Variants in SLC4A4 observed in about 807,000 individuals in gnomAD.
The protein encoded by SLC4A4 is electrogenic sodium bicarbonate cotransporter 1.
Under a neutral mutation model 111.5 loss-of-function variants are expected in SLC4A4, and 27 were observed. The observed-to-expected ratio is 0.24, with a 90% confidence interval of 0.18 to 0.33. SLC4A4 has a LOEUF of 0.33. Among genes scored for constraint, SLC4A4 ranks in the 10% least tolerant of loss-of-function variants. The pLI, the probability that SLC4A4 is intolerant of heterozygous loss-of-function variation, is 1.00. For synonymous variants in SLC4A4, 443 were observed against 463.4 expected (o/e 0.96, Z 0.57); for missense variants, 909 against 1,315.5 (o/e 0.69, Z 4.78).
At chr4:71,428,661 CAAG>C (rs771866445) in intron 7 of SLC4A4, among the ~76,000 whole-genome samples, 4 of 151,642 alleles carry the variant, frequency 2.6e-5, no homozygotes, top group Non-Finnish European at 5.9e-5. Flanking sequence ...GAAAATAAAC[CAAG>C]AAGAAGAAAT....
intron 15 of SLC4A4, among the ~76,000 whole-genome samples, chr4:71,488,139 A>G (rs1729587468): frequency 6.7e-6 from 1 of 148,780 alleles, no homozygotes. Flanking sequence ...ATAAACTATA[A>G]TTTAATAATA....
At position 71,571,087 on chromosome 4, in the gene SLC4A4, G is replaced by A. The variant is rs9997398; in HGVS notation, c.*3336G>A. ...ATACAGAGTAAATCTTTTATCAACT[G>A]TATACTGGTGTTTAATAGAGAATGA... On this transcript the variant is annotated 3_prime_UTR_variant, in exon 26 of 26. Transcript: ENST00000264485. 0.94 allele frequency: 143,058 copies of A among 152,298 alleles called. 67,614 individuals are homozygous for A. Among genetic ancestry groups the A allele is most frequent in the Non-Finnish European group, 0.99 (67,306 of 67,858 alleles). The allele number at this position is 152,298 out of a possible 1,614,324, so 9.4% of individuals were successfully genotyped here.
rs28707270 is a variant in SLC4A4 at position 71,111,262 on chromosome 4, G to T, written c.-2+18470G>T. ...CGTAGACAACTTGTCACCCTATTTG[G>T]CCTACAAATATTTCCTGCTTTTCTT... On this transcript the variant is annotated intron_variant, in intron 2 of 26. Coordinates refer to the SLC4A4 transcript ENST00000649996. Among the ~76,000 whole-genome samples the T allele has an allele frequency of 4.1e-4, 63 of 152,218 alleles. 1 individual carries two copies. Among genetic ancestry groups the T allele is most frequent in the African/African-American group, 1.4e-3 (58 of 41,532 alleles).
rs573234131 is a variant in SLC4A4 at position 71,141,732 on chromosome 4, A to G, written c.-2+48940A>G. On this transcript the variant is annotated intron_variant, in intron 2 of 26. Coordinates refer to the SLC4A4 transcript ENST00000649996. ...GCCTTGCTTATTAGTATTCCCCAAC[A>G]CTTAGAACAGTGCCTGGAACATATT... Among the ~76,000 whole-genome samples, 280 of 152,338 alleles carry G rather than the reference A, an allele frequency of 1.8e-3. 2 individuals are homozygous for G. The highest frequency in any genetic ancestry group is 6.5e-3 in the African/African-American group (271 of 41,574).
rs371201820 is a variant in SLC4A4 at position 71,279,957 on chromosome 4, G to A, written c.253+24558G>A. ...ATTACAGGCACCTGCCATCATGCCC[G>A]GCTAATTTTTGTATTTTTGTAGGGA... is the stretch of plus-strand genomic sequence containing the variant. On this transcript the variant is annotated intron_variant, in intron 3 of 25. Transcript: ENST00000264485. 9.5e-4 allele frequency among the ~76,000 whole-genome samples: 144 copies of A among 152,162 alleles called. 1 individual carries two copies. The highest frequency in any genetic ancestry group is 3.4e-3 in the Middle Eastern group (1 of 294).
chr4:71,339,310 G>C (rs1443796500), intron 3 of SLC4A4, 60 bp from the exon 4 acceptor site: 1 of 1,614,152 alleles, frequency 6.2e-7, no homozygotes, highest in Admixed American at 1.7e-5. Flanking sequence ...AGAGCCCGGA[G>C]CTCCACTTTC....
chr4:71,134,489 G>A (rs983892745), intron 2 of SLC4A4, among the ~76,000 whole-genome samples: 4 of 152,216 alleles, frequency 2.6e-5, no homozygotes, highest in South Asian at 2.1e-4. Flanking sequence ...AATGTACATT[G>A]TTTCTGTATC....
chr4:71,502,215 C>G (rs1304588346), intron 16 of SLC4A4, among the ~76,000 whole-genome samples: 3 of 152,240 alleles, frequency 2.0e-5, no homozygotes, highest in African/African-American at 7.2e-5. Context: ...CCAGCCTCGG[C>G]CTCCCAAAGT....
Position 71,418,909 on chromosome 4 carries a change from C to T in SLC4A4, c.807+21256C>T, listed in dbSNP as rs1050209407. Among the ~76,000 whole-genome samples the T allele has an allele frequency of 2.6e-5, 4 of 152,198 alleles. No homozygotes were observed. The East Asian group carries it at 5.8e-4, about 22-fold the overall frequency. On this transcript the variant is annotated intron_variant, in intron 7 of 25. Transcript: ENST00000264485. ...TTCTCTTTGTTAGTTTTCCTTCTAA[C>T]AGACAGGACACTCAGCTGCAGGTCT...
intron 2 of SLC4A4, among the ~76,000 whole-genome samples, chr4:71,169,704 T>C (rs756762525): frequency 1.3e-5 from 2 of 152,312 alleles, no homozygotes; most frequent in East Asian, 3.9e-4. Flanking sequence ...AACCGAAATA[T>C]ATTGTATCAC....
chr4:71,087,052 G>A (rs547250474), intron 1 of SLC4A4, among the ~76,000 whole-genome samples: 2 of 152,038 alleles, frequency 1.3e-5, no homozygotes, highest in East Asian at 1.9e-4. Context: ...TTTTTGGTTG[G>A]TAAGCTATTA....
At chr4:71,182,539 G>C (rs1745325262), upstream of SLC4A4, among the ~76,000 whole-genome samples, 1 of 152,198 alleles carries the variant, frequency 6.6e-6, no homozygotes, top group African/African-American at 2.4e-5. Context: ...CCAAGCAATG[G>C]AACAGCTGAA....
At chr4:71,438,441 C>A (rs1724369265) in intron 7 of SLC4A4, among the ~76,000 whole-genome samples, 1 of 152,118 alleles carries the variant, frequency 6.6e-6, no homozygotes, top group South Asian at 2.1e-4. Context: ...GTGAGAAAGT[C>A]AGGGTGAAAA....
chr4:71,466,636 G>T, intron 13 of SLC4A4, 59 bp downstream of exon 13: 1 of 1,500,922 alleles, frequency 6.7e-7, no homozygotes, highest in Non-Finnish European at 9.3e-7. Flanking sequence ...ACCTTTATAG[G>T]CTAGATAGAG....
chr4:71,121,947 C>T (rs561329189), intron 2 of SLC4A4, among the ~76,000 whole-genome samples: 9 of 152,088 alleles, frequency 5.9e-5, no homozygotes, highest in South Asian at 2.1e-4. Context: ...CAACTCCGGA[C>T]GGGAGGAATG....
chr4:71,403,653 C>CAT (rs1262791061), intron 7 of SLC4A4, among the ~76,000 whole-genome samples: 1 of 152,038 alleles, frequency 6.6e-6, no homozygotes, highest in African/African-American at 2.4e-5. Flanking sequence ...AAAAAAATAT[C>CAT]ATAAGTGGCT....
At chr4:71,084,630 C>T (rs1380670644) in intron 1 of SLC4A4, among the ~76,000 whole-genome samples, 2 of 151,970 alleles carry the variant, frequency 1.3e-5, no homozygotes, top group Non-Finnish European at 2.9e-5. Flanking sequence ...GTTCAATTCC[C>T]ACCTCTGAGT....
chr4:71,488,888 ATGTGTG>A (rs66801188), intron 15 of SLC4A4, among the ~76,000 whole-genome samples: 1,855 of 140,658 alleles, frequency 0.013, 43 homozygotes, highest in African/African-American at 0.043. Context: ...AGAAGAAAAA[ATGTGTG>A]TGTGTGTGTG....
At chr4:71,553,607 T>C (rs1012727946) in intron 20 of SLC4A4, among the ~76,000 whole-genome samples, 2 of 138,568 alleles carry the variant, frequency 1.4e-5, no homozygotes, top group Middle Eastern at 3.5e-3. Flanking sequence ...ACCCACCAAA[T>C]TGAAAATGAA....
Sources: gnomAD v4.1 joint callset for allele counts (sites outside exome capture counted in the v4.1 genomes callset) on GRCh38, gnomAD v4.1.1 for gene constraint, MANE v1.5 for transcripts, NCBI Gene and HGNC (gene_info 2026-07-23, HGNC 2026-07-21) for gene names.